Variants in NAA20 observed in about 807,000 individuals in gnomAD.
NAA20 encodes N-alpha-acetyltransferase 20.
A neutral mutation model predicts 23.8 loss-of-function variants in NAA20; 24 were observed. The observed-to-expected ratio is 1.01, with a 90% CI of 0.73 to 1.42. The LOEUF (loss-of-function observed/expected upper bound fraction) is 1.42. Among genes scored for constraint, NAA20 ranks in the 40% most tolerant of loss-of-function variants. The probability of loss-of-function intolerance (pLI) is 0.00; values close to 1 mark genes in which losing one functional copy is unlikely to be tolerated. For synonymous variants in NAA20, 83 were observed against 77.7 expected, an observed-to-expected ratio of 1.07 and a Z score of -0.36; for missense variants, 166 against 223.1, an observed-to-expected ratio of 0.74 and a Z score of 1.63.
intron 1 of NAA20, chr20:20,018,904 A>G (rs1217684824): frequency 5.1e-6 from 5 of 985,274 alleles, no homozygotes; most frequent in Non-Finnish European, 6.0e-6. Context: ...TCATCCAAGG[A>G]TATTGGCTCT....
chr20:20,017,937 G>A, intron 1 of NAA20: 1 of 1,612,198 alleles, frequency 6.2e-7, no homozygotes, highest in Non-Finnish European at 8.5e-7. Context: ...GCAGCTGTTG[G>A]GATGTGTACA....
chr20:20,020,023 T>A (rs189836928), intron 1 of NAA20, among the ~76,000 whole-genome samples: 22 of 152,356 alleles, frequency 1.4e-4, no homozygotes, highest in Admixed American at 1.4e-3. Context: ...TAACACATAT[T>A]TTATTCTTGG....
Position 20,021,489 on chromosome 20 carries a change from C to T in NAA20, c.54-967C>T, listed in dbSNP as rs557581781. Among the ~76,000 whole-genome samples the T allele has an allele frequency of 4.6e-5, 7 of 152,130 alleles. No individual in the cohort carries two copies. In the South Asian group the frequency reaches 6.2e-4, roughly 14 times the overall value. On this transcript the variant is annotated intron_variant, in intron 1 of 5. Coordinates refer to ENST00000334982, the MANE Select transcript of NAA20 (RefSeq NM_016100.5). Reference sequence around the variant, plus strand: ...ACTGGATTTTGTTTTGTTTTGTTTTCGGAAGTATAGTGATTTTTTTGGTAA... The same window carrying T: ...ACTGGATTTTGTTTTGTTTTGTTTTTGGAAGTATAGTGATTTTTTTGGTAA...
chr20:20,025,407 T>C (rs2043300362), intron 2 of NAA20, among the ~76,000 whole-genome samples: 1 of 152,178 alleles, frequency 6.6e-6, no homozygotes, highest in Admixed American at 6.5e-5. Flanking sequence ...AGTAGGGAAG[T>C]AGACTGTAGA....
At chr20:20,020,816 A>G (rs907419090) in intron 1 of NAA20, among the ~76,000 whole-genome samples, 2 of 152,326 alleles carry the variant, frequency 1.3e-5, no homozygotes, top group Admixed American at 1.3e-4. Context: ...AGGCTGTCCC[A>G]GGAGTGGGAA....
intron 1 of NAA20, chr20:20,018,311 G>T (rs2043245361): frequency 1.9e-6 from 1 of 535,894 alleles, no homozygotes. Flanking sequence ...CCTGGATTCT[G>T]CAGTTAACAT....
intron 5 of NAA20, 95 bp from the exon 6 acceptor site, chr20:20,033,007 A>T: frequency 1.0e-6 from 1 of 955,976 alleles, no homozygotes; most frequent in Non-Finnish European, 1.6e-6. Context: ...AAGTGGGGGT[A>T]GGGATAAAAC....
chr20:20,020,032 G>A (rs1204121271), intron 1 of NAA20, among the ~76,000 whole-genome samples: 1 of 152,086 alleles, frequency 6.6e-6, no homozygotes, highest in Non-Finnish European at 1.5e-5. Flanking sequence ...TTTTATTCTT[G>A]GAAAAATATT....
chr20:20,017,702 G>A (rs2146457286), intron 1 of NAA20: 1 of 1,427,402 alleles, frequency 7.0e-7, no homozygotes, highest in East Asian at 2.5e-5. Context: ...TGGACCCTGC[G>A]AGCTGGCAGG....
Position 20,033,235 on chromosome 20 carries a change from ATAT to A in NAA20, c.*53_*55del, listed in dbSNP as rs760177681. 16 of 1,423,138 alleles carry A rather than the reference ATAT, an allele frequency of 1.1e-5. No individual in the cohort carries two copies. Among genetic ancestry groups the A allele is most frequent in the Non-Finnish European group, 1.6e-5 (16 of 1,013,816 alleles). 88.2% of individuals were successfully genotyped at this position (1,423,138 alleles called of 1,614,324 possible). On this transcript the variant is annotated 3_prime_UTR_variant, in exon 6 of 6. Transcript: ENST00000334982. ...AGATACTCTAGATGCTTTATGGACA[ATAT>A]TATTTTCATTGGATGATTCTGGAGC...
At chr20:20,017,730 G>C in intron 1 of NAA20, 24 of 1,431,494 alleles carry the variant, frequency 1.7e-5, no homozygotes, top group Non-Finnish European at 1.8e-5. Context: ...GCAGCGCTCG[G>C]GCCTCCGCTC....
chr20:20,022,354 T>A, intron 1 of NAA20, 102 bp from the exon 2 acceptor site: 3 of 1,200,206 alleles, frequency 2.5e-6, no homozygotes, highest in Non-Finnish European at 2.4e-6. Context: ...ATGAAACATG[T>A]TTTGTTTTCC....
At chr20:20,017,956 C>T in intron 1 of NAA20, 1 of 1,613,582 alleles carries the variant, frequency 6.2e-7, no homozygotes. Flanking sequence ...CATCGTGAAG[C>T]CCACCTGGTG....
Position 20,032,585 on chromosome 20 carries a change from AC to A in NAA20, c.384del (p.Tyr128Ter). On this transcript the variant is annotated frameshift_variant, in exon 5 of 6. Coordinates refer to ENST00000334982, the MANE Select transcript of NAA20 (RefSeq NM_016100.5). LOFTEE classifies it high-confidence loss of function. ...GTTAACATGTACAAGCAGTTGGGCT[AC>A]AGTGTATATAGGACGGTCATAGAGT... is the stretch of plus-strand genomic sequence containing the variant. ...VAVNMYKQLG[Y>X]SVYRTVIEYY... 6.2e-7 allele frequency: 1 copy of A among 1,613,812 alleles called. No individual in the cohort carries two copies. Among genetic ancestry groups the A allele is most frequent in the East Asian group, 2.2e-5 (1 of 44,858 alleles).
intron 4 of NAA20, 91 bp downstream of exon 4, chr20:20,027,010 G>GTTA: frequency 6.6e-7 from 1 of 1,506,130 alleles, no homozygotes; most frequent in Non-Finnish European, 9.1e-7. Context: ...ATGCTTTACA[G>GTTA]TTCACAGGAA....
chr20:20,018,004 T>A (rs752118308), intron 1 of NAA20: 1 of 1,614,180 alleles, frequency 6.2e-7, no homozygotes, highest in Non-Finnish European at 8.5e-7. Context: ...ATGACACTGA[T>A]CACTGCGTCC....
chr20:20,023,463 C>G (rs1417005890), intron 2 of NAA20, among the ~76,000 whole-genome samples: 2 of 152,122 alleles, frequency 1.3e-5, no homozygotes, highest in African/African-American at 4.8e-5. Context: ...GGACTTGTTA[C>G]TAAAGTGAAG....
intron 4 of NAA20, among the ~76,000 whole-genome samples, chr20:20,029,952 G>A (rs565676196): frequency 6.6e-6 from 1 of 152,248 alleles, no homozygotes; most frequent in South Asian, 2.1e-4. Flanking sequence ...GAAGGCAGTA[G>A]CAAAATAGGT....
At chr20:20,025,796 G>C in intron 3 of NAA20, 29 bp downstream of exon 3, 1 of 1,410,272 alleles carries the variant, frequency 7.1e-7, no homozygotes, top group Non-Finnish European at 1.0e-6. Context: ...GTATTTTGTG[G>C]AGTAGGTAAA....
Sources: allele counts gnomAD v4.1 joint callset (sites outside exome capture counted in the v4.1 genomes callset), GRCh38; gene constraint gnomAD v4.1.1; transcripts MANE v1.5; gene names NCBI Gene and HGNC (gene_info 2026-07-23, HGNC 2026-07-21).